The following MAPK8IP1 variants were observed in gnomAD, a reference collection of about 807,000 sequenced individuals.
MAPK8IP1 encodes C-Jun-amino-terminal kinase-interacting protein 1.
A neutral mutation model predicts 72.6 loss-of-function variants in MAPK8IP1; 17 were observed. The ratio of observed to expected loss-of-function variants is 0.23; its 90% CI spans 0.16 to 0.35. The LOEUF is 0.35. Ranked by LOEUF, MAPK8IP1 falls within the 10% of genes least tolerant of loss-of-function variation. MAPK8IP1 has a pLI of 1.00. For synonymous variants in MAPK8IP1, 401 were observed against 443.4 expected, an observed-to-expected ratio of 0.90 and a Z score of 1.20; for missense variants, 789 against 1,009.7, an observed-to-expected ratio of 0.78 and a Z score of 2.96.
chr11:45,897,093 G>A, intron 1 of MAPK8IP1: 1 of 834,348 alleles, frequency 1.2e-6, no homozygotes, highest in South Asian at 1.6e-5. Context: ...CATCTCTCCT[G>A]GGTGACCTTG....
chr11:45,886,092 A>G (rs2086525138), intron 1 of MAPK8IP1, among the ~76,000 whole-genome samples, 171 bp downstream of exon 1: 2 of 152,124 alleles, frequency 1.3e-5, no homozygotes, highest in Admixed American at 1.3e-4. Flanking sequence ...GCCAGCCTCA[A>G]GTCCGGACTG....
Position 45,904,885 on chromosome 11 carries a change from C to A in MAPK8IP1, c.1893+51C>A, listed in dbSNP as rs780739097. 6 of 1,607,460 alleles carry A rather than the reference C, an allele frequency of 3.7e-6. No homozygotes were observed. The highest frequency in any genetic ancestry group is 5.1e-6 in the Non-Finnish European group (6 of 1,173,970). On this transcript the variant is annotated intron_variant, in intron 9 of 11. Coordinates refer to ENST00000241014, the MANE Select transcript of MAPK8IP1 (RefSeq NM_005456.4). The surrounding 1 kb of genome is among the most constrained non-coding windows in gnomAD (Gnocchi z 6.4). ...CCTTCCATGGCCCCAAGCTCTCCCC[C>A]AAGACTTGTGATGAAGAGGCCATCT...
chr11:45,895,064 C>T (rs1309470751), intron 1 of MAPK8IP1, among the ~76,000 whole-genome samples: 1 of 152,212 alleles, frequency 6.6e-6, no homozygotes, highest in Non-Finnish European at 1.5e-5. Context: ...ACAGTGCCCA[C>T]GCAGACTACG....
At chr11:45,896,813 C>G (rs2134670317) in intron 1 of MAPK8IP1, 1 of 1,545,216 alleles carries the variant, frequency 6.5e-7, no homozygotes, top group Middle Eastern at 2.3e-4. Flanking sequence ...CCCTGGCCCC[C>G]CCACCCTTCC....
At chr11:45,901,815 TC>T in intron 3 of MAPK8IP1, 164 bp from the exon 4 acceptor site, 1 of 751,854 alleles carries the variant, frequency 1.3e-6, no homozygotes, top group Non-Finnish European at 2.5e-6. Flanking sequence ...TTGCCACCCT[TC>T]CTGCCTGCTC....
At position 45,900,576 on chromosome 11, in the gene MAPK8IP1, G is replaced by T; in HGVS notation, c.522+124G>T. On this transcript the variant is annotated intron_variant, in intron 3 of 11. Transcript: ENST00000241014. This position sits in a 1 kb window ranked among gnomAD's most constrained non-coding sequence, Gnocchi z 6.5. ...TGCCTGGGGACAGCGCCTGCATAGG[G>T]GCCGCGGTGGCTCGCTCCCGGTGTT... is the stretch of plus-strand genomic sequence containing the variant. 9.0e-7 allele frequency: 1 copy of T among 1,112,482 alleles called. No homozygotes were observed. The highest frequency in any genetic ancestry group is 1.2e-6 in the Non-Finnish European group (1 of 801,696). The allele number at this position is 1,112,482 out of a possible 1,614,324, so 68.9% of individuals were successfully genotyped here.
intron 1 of MAPK8IP1, among the ~76,000 whole-genome samples, chr11:45,895,633 A>ATATATAT (rs1332585667): frequency 2.4e-5 from 1 of 42,516 alleles, no homozygotes; most frequent in African/African-American, 4.8e-5. Flanking sequence ...AAAAAAAAAA[A>ATATATAT]ATATATATAT....
Position 45,904,764 on chromosome 11 carries a change from G to C in MAPK8IP1, c.1823G>C (p.Ser608Thr). The C allele has an allele frequency of 1.2e-6, 2 of 1,614,026 alleles. No individual in the cohort carries two copies. The highest frequency in any genetic ancestry group is 1.7e-6 in the Non-Finnish European group (2 of 1,180,036). ...RLTVHFNPPSSCVLEISVRGV... is the reference protein window; with the variant it reads ...RLTVHFNPPSTCVLEISVRGV... ...ACCGTGCACTTTAACCCGCCCTCCA[G>C]CTGTGTCCTGGAGATCAGCGTGCGG... The change falls in exon 9 of 12, where the codon AGC (serine) becomes ACC (threonine). Residue 608 changes from serine (S) to threonine (T), a missense_variant. Ser to Thr is a moderately conservative substitution (Grantham distance 58). Around this residue, in one of 4 missense-constraint regions of MAPK8IP1, gnomAD observed 188 missense variants for 293.3 expected, o/e 0.64. Transcript: ENST00000241014. The surrounding 1 kb of genome is among the most constrained non-coding windows in gnomAD (Gnocchi z 6.4).
At chr11:45,901,422 A>T (rs140554419) in intron 3 of MAPK8IP1, among the ~76,000 whole-genome samples, 1 of 152,038 alleles carries the variant, frequency 6.6e-6, no homozygotes, top group Non-Finnish European at 1.5e-5. Flanking sequence ...TCTGTTATGG[A>T]TTTGTCACTG....
In MAPK8IP1 at chr11:45,904,633, G is replaced by A. The variant is rs2086688153; in HGVS notation, c.1776+69G>A. On this transcript the variant is annotated intron_variant, in intron 8 of 11. Coordinates refer to ENST00000241014, the MANE Select transcript of MAPK8IP1 (RefSeq NM_005456.4). This position sits in a 1 kb window ranked among gnomAD's most constrained non-coding sequence, Gnocchi z 6.4. ...GGGCAGAGGGACGCAGGTGTCTAGA[G>A]GCAGTAAAGGGCTCAGGCCCTGGGA... The A allele has an allele frequency of 6.3e-7, 1 of 1,592,996 alleles. No individual in the cohort carries two copies. Among genetic ancestry groups the A allele is most frequent in the Non-Finnish European group, 8.6e-7 (1 of 1,161,102 alleles).
chr11:45,902,445 C>T lies in MAPK8IP1; in HGVS notation c.678C>T (p.Thr226=), dbSNP rs1390312493. The T allele has an allele frequency of 1.9e-6, 3 of 1,596,832 alleles. No homozygotes were observed. In the African/African-American group the frequency reaches 4.0e-5, roughly 21 times the overall value. ...ELPPQSGPAP[T]TDRGTSTDSP... ...CCCCCCAGAGCGGCCCCGCCCCCACCACAGATCGAGGCACCTCCACCGACA... is the reference window on the plus strand; with the variant it reads ...CCCCCCAGAGCGGCCCCGCCCCCACTACAGATCGAGGCACCTCCACCGACA... Residue 226 remains threonine (T), a synonymous_variant, in exon 5 of 12, where the codon ACC becomes ACT. Coordinates refer to ENST00000241014, the MANE Select transcript of MAPK8IP1 (RefSeq NM_005456.4). The surrounding 1 kb of genome is among the most constrained non-coding windows in gnomAD (Gnocchi z 9.3).
At chr11:45,890,550 G>A (rs2086559019) in intron 1 of MAPK8IP1, among the ~76,000 whole-genome samples, 2 of 152,196 alleles carry the variant, frequency 1.3e-5, no homozygotes, top group Non-Finnish European at 2.9e-5. Context: ...GCGGCCAGGG[G>A]ACTAGCCATC....
intron 1 of MAPK8IP1, among the ~76,000 whole-genome samples, chr11:45,891,157 G>A (rs948840206): frequency 7.9e-5 from 12 of 152,194 alleles, no homozygotes; most frequent in South Asian, 4.1e-4. Context: ...TTTAAAGTTC[G>A]TCTCTGGATT....
chr11:45,896,650 G>A, intron 1 of MAPK8IP1: 2 of 1,397,256 alleles, frequency 1.4e-6, no homozygotes, highest in Non-Finnish European at 1.9e-6. Context: ...GGGCTGCGCT[G>A]GGAAGAGCTG....
chr11:45,889,999 T>TGGCTCAGGTCAAGGGACCCA (rs2086554379), intron 1 of MAPK8IP1, among the ~76,000 whole-genome samples: 3 of 152,210 alleles, frequency 2.0e-5, no homozygotes, highest in African/African-American at 7.2e-5. Context: ...GGTGTGATGA[T>TGGCTCAGGTCAAGGGACCCA]GGCTCAGGTC....
chr11:45,890,975 A>G (rs2086562220), intron 1 of MAPK8IP1, among the ~76,000 whole-genome samples: 1 of 151,998 alleles, frequency 6.6e-6, no homozygotes, highest in African/African-American at 2.4e-5. Context: ...TGTTCAGCCA[A>G]CCATGTTTCG....
intron 1 of MAPK8IP1, among the ~76,000 whole-genome samples, chr11:45,887,964 A>C (rs149156492): frequency 1.3e-5 from 2 of 152,304 alleles, no homozygotes; most frequent in African/African-American, 4.8e-5. Flanking sequence ...TGGTGGAGTC[A>C]TAGATCCAAC....
At chr11:45,901,958 G>A (rs2086656766) in intron 3 of MAPK8IP1, 22 bp from the exon 4 acceptor site, 3 of 1,598,756 alleles carry the variant, frequency 1.9e-6, no homozygotes, top group African/African-American at 2.7e-5. Flanking sequence ...TCCATCACAA[G>A]AGCCTTTTGT....
At chr11:45,905,411 G>T (rs544955728) in intron 11 of MAPK8IP1, among the ~76,000 whole-genome samples, 162 bp downstream of exon 11, 1 of 152,328 alleles carries the variant, frequency 6.6e-6, no homozygotes. Context: ...GGGTGGCGCG[G>T]CAGGGTGAGC....
Sources: gnomAD v4.1 joint callset for allele counts (sites outside exome capture counted in the v4.1 genomes callset) on GRCh38, gnomAD v4.1.1 for gene constraint, gnomAD v4.1.1 regional missense constraint, Gnocchi (gnomAD v3.1) non-coding constraint, MANE v1.5 for transcripts, NCBI Gene and HGNC (gene_info 2026-07-23, HGNC 2026-07-21) for gene names.